NPAS3: variants seen among roughly 807,000 people sequenced by gnomAD.
NPAS3 encodes neuronal PAS domain protein 3.
In NPAS3, 14 loss-of-function variants were observed where a neutral mutation model predicts 73.1. The observed-to-expected ratio is 0.19, with a 90% CI of 0.13 to 0.30. The LOEUF (loss-of-function observed/expected upper bound fraction) is 0.30, where lower values mean the gene tolerates loss of function less well. Ranked by LOEUF, NPAS3 falls within the 10% of genes least tolerant of loss-of-function variation. The pLI is 1.00. For synonymous variants in NPAS3, 620 were observed against 541.5 expected (o/e 1.14, Z -2.01); for missense variants, 1,096 against 1,250.0 (o/e 0.88, Z 1.86).
chr14:33,690,961 C>CCA (rs1265881594), intron 6 of NPAS3, among the ~76,000 whole-genome samples: 3 of 151,772 alleles, frequency 2.0e-5, no homozygotes, highest in Non-Finnish European at 4.4e-5. Context: ...TTTAAGTGTC[C>CCA]CACAAGACGA....
intron 2 of NPAS3, among the ~76,000 whole-genome samples, chr14:33,141,599 G>A (rs4982058): frequency 0.97 from 148,332 of 152,324 alleles, 72,567 homozygotes; most frequent in African/African-American, 0.99. Context: ...CTTTGCTAGC[G>A]TGTCTCATAT....
At chr14:33,635,462 C>G (rs77959798) in intron 5 of NPAS3, among the ~76,000 whole-genome samples, 1 of 152,090 alleles carries the variant, frequency 6.6e-6, no homozygotes, top group Non-Finnish European at 1.5e-5. Context: ...GGTATCATTT[C>G]GAGATGTAAA....
intron 4 of NPAS3, among the ~76,000 whole-genome samples, chr14:33,516,441 A>G (rs762186929): frequency 3.9e-5 from 6 of 152,292 alleles, no homozygotes; most frequent in South Asian, 2.1e-4. Context: ...ATGAAATTAC[A>G]TACTGTGGAA....
chr14:33,587,600 T>C (rs2056910319), intron 5 of NPAS3, among the ~76,000 whole-genome samples: 1 of 152,198 alleles, frequency 6.6e-6, no homozygotes, highest in South Asian at 2.1e-4. Context: ...CTCCTCTTCA[T>C]TGTTGTTATC....
intron 5 of NPAS3, among the ~76,000 whole-genome samples, chr14:33,643,577 G>A (rs999285423): frequency 3.9e-5 from 6 of 152,100 alleles, no homozygotes; most frequent in Non-Finnish European, 8.8e-5. Context: ...GGTCTTTGCT[G>A]TCACTGGTTC....
At chr14:33,206,133 AAAT>A (rs1481724872) in intron 2 of NPAS3, among the ~76,000 whole-genome samples, 1 of 152,172 alleles carries the variant, frequency 6.6e-6, no homozygotes. Flanking sequence ...AATTAAATAA[AAAT>A]TTTATCAGTG....
intron 5 of NPAS3, among the ~76,000 whole-genome samples, chr14:33,593,804 T>C (rs372339539): frequency 9.8e-5 from 15 of 152,312 alleles, no homozygotes; most frequent in East Asian, 7.7e-4. Flanking sequence ...GGGACATTTG[T>C]CCCTTGATGT....
chr14:33,496,848 A>T (rs2139867288), intron 4 of NPAS3, among the ~76,000 whole-genome samples: 1 of 152,298 alleles, frequency 6.6e-6, no homozygotes, highest in Admixed American at 6.5e-5. Context: ...AGTTCTGGCC[A>T]GGGCAGTCAG....
intron 4 of NPAS3, among the ~76,000 whole-genome samples, chr14:33,505,258 G>T (rs896048098): frequency 1.3e-5 from 2 of 151,662 alleles, no homozygotes; most frequent in African/African-American, 4.9e-5. Flanking sequence ...GGCAGCTCAA[G>T]ATAAATATTA....
At chr14:33,430,445 A>G (rs1381811737) in intron 4 of NPAS3, among the ~76,000 whole-genome samples, 1 of 152,026 alleles carries the variant, frequency 6.6e-6, no homozygotes, top group Non-Finnish European at 1.5e-5. Context: ...CTAGGATTTG[A>G]TCAGATTCTT....
intron 4 of NPAS3, among the ~76,000 whole-genome samples, chr14:33,503,930 ATAAC>A (rs1241895536): frequency 2.0e-5 from 3 of 152,036 alleles, no homozygotes; most frequent in South Asian, 2.1e-4. Flanking sequence ...GGTAGAAAGA[ATAAC>A]TAAATATTTT....
Position 33,430,383 on chromosome 14 carries a change from G to A in NPAS3, c.468+63115G>A, listed in dbSNP as rs114271368. Reference sequence around the variant, plus strand: ...TTATAGTTGTCTTTGACTTGTTAACGATCACACTGGCTCTCCTTGGGTCTT... The same window carrying A: ...TTATAGTTGTCTTTGACTTGTTAACAATCACACTGGCTCTCCTTGGGTCTT... On this transcript the variant is annotated intron_variant, in intron 4 of 11. Transcript: ENST00000356141. Among the ~76,000 whole-genome samples the A allele has an allele frequency of 5.4e-3, 826 of 152,224 alleles. 6 individuals carry two copies. The highest frequency in any genetic ancestry group is 0.019 in the African/African-American group (791 of 41,546).
chr14:33,125,846 ATAGAC>A (rs1169710438), intron 2 of NPAS3, among the ~76,000 whole-genome samples: 4 of 152,214 alleles, frequency 2.6e-5, no homozygotes, highest in African/African-American at 9.6e-5. Context: ...AATGTTTTAG[ATAGAC>A]TAGTTACTTT....
intron 7 of NPAS3, among the ~76,000 whole-genome samples, chr14:33,754,926 C>T (rs2062069163): frequency 6.6e-6 from 1 of 152,006 alleles, no homozygotes; most frequent in Non-Finnish European, 1.5e-5. Context: ...ATAGACGAGA[C>T]CATGGACACA....
At chr14:33,481,432 C>G (rs2051321116) in intron 4 of NPAS3, among the ~76,000 whole-genome samples, 1 of 152,148 alleles carries the variant, frequency 6.6e-6, no homozygotes. Flanking sequence ...GAGTTTGTGT[C>G]TTTGACCCTT....
intron 6 of NPAS3, among the ~76,000 whole-genome samples, chr14:33,718,858 G>A (rs1024267523): frequency 6.6e-6 from 1 of 152,160 alleles, no homozygotes; most frequent in Non-Finnish European, 1.5e-5. Context: ...AGGTACGGTG[G>A]CTCACACCTG....
chr14:33,073,366 G>C (rs954734032), intron 2 of NPAS3, among the ~76,000 whole-genome samples: 1 of 152,164 alleles, frequency 6.6e-6, no homozygotes, highest in Non-Finnish European at 1.5e-5. Flanking sequence ...GAGGGGAGCA[G>C]ACATTATGCA....
intron 5 of NPAS3, among the ~76,000 whole-genome samples, chr14:33,593,933 A>G (rs1187571610): frequency 6.6e-6 from 1 of 152,166 alleles, no homozygotes; most frequent in African/African-American, 2.4e-5. Flanking sequence ...CATCCTGTGC[A>G]TACCTCTCTC....
intron 2 of NPAS3, among the ~76,000 whole-genome samples, chr14:33,127,061 G>T (rs2043453238): frequency 6.6e-6 from 1 of 150,794 alleles, no homozygotes; most frequent in Non-Finnish European, 1.5e-5. Context: ...GAGAGATCTT[G>T]ATTTTTTTCA....
Sources: allele counts gnomAD v4.1 joint callset (sites outside exome capture counted in the v4.1 genomes callset), GRCh38; gene constraint gnomAD v4.1.1; transcripts MANE v1.5; gene names NCBI Gene and HGNC (gene_info 2026-07-23, HGNC 2026-07-21).